Variants in SAFB observed in about 807,000 individuals in gnomAD.
The protein encoded by SAFB is scaffold attachment factor B1.
A neutral mutation model predicts 101.6 loss-of-function variants in SAFB; 15 were observed. The ratio of observed to expected loss-of-function variants is 0.15; its 90% confidence interval spans 0.10 to 0.23. The LOEUF (loss-of-function observed/expected upper bound fraction) is 0.23, where lower values mean the gene tolerates loss of function less well. SAFB is among the 10% of genes least tolerant of loss of function. The pLI, the probability that SAFB is intolerant of heterozygous loss-of-function variation, is 1.00. For synonymous variants in SAFB, 449 were observed against 407.5 expected, an observed-to-expected ratio of 1.10 and a Z score of -1.23; for missense variants, 930 against 1,104.1, an observed-to-expected ratio of 0.84 and a Z score of 2.23.
intron 13 of SAFB, among the ~76,000 whole-genome samples, chr19:5,656,749 AT>A (rs999300394): frequency 4.0e-5 from 6 of 151,180 alleles, no homozygotes; most frequent in African/African-American, 1.5e-4. Context: ...GCTAATTTTT[AT>A]TTTTTATTTA....
At chr19:5,624,223 CTT>C (rs551426304) in intron 1 of SAFB, among the ~76,000 whole-genome samples, 1,564 of 138,634 alleles carry the variant, frequency 0.011, 19 homozygotes, top group East Asian at 0.027. Flanking sequence ...CTTTTCTATT[CTT>C]TTTTTTTTTT....
intron 15 of SAFB, 63 bp downstream of exon 15, chr19:5,661,871 C>T: frequency 8.6e-7 from 1 of 1,161,432 alleles, no homozygotes; most frequent in Non-Finnish European, 1.2e-6. Context: ...ACCTCACAGT[C>T]CAGTTAGCTT....
chr19:5,668,229 G>A lies in SAFB; in HGVS notation c.2692G>A (p.Gly898Arg), dbSNP rs376998324. The A allele has an allele frequency of 9.9e-6, 16 of 1,610,470 alleles. No homozygotes were observed. Among genetic ancestry groups the A allele is most frequent in the Admixed American group, 3.4e-5 (2 of 58,986 alleles). ...CATCCCACACGGTGGCATGCAGGGC[G>A]GGTTTGGAGGCCAGAGCCGGGGGAG... ...HPIPHGGMQG[G>R]FGGQSRGSRP... Residue 898 changes from glycine (G) to arginine (R), a missense_variant, in exon 21 of 21, where the codon GGG (glycine) becomes AGG (arginine). Gly to Arg is a moderately radical substitution (Grantham distance 125, BLOSUM62 -2). Coordinates refer to ENST00000588852, the MANE Select transcript of SAFB (RefSeq NM_001201338.2).
chr19:5,653,019 C>A, intron 9 of SAFB, 96 bp from the exon 10 acceptor site: 1 of 1,255,136 alleles, frequency 8.0e-7, no homozygotes, highest in Non-Finnish European at 1.1e-6. Flanking sequence ...ACTTGTCGGA[C>A]CCCTGATGAG....
intron 1 of SAFB, among the ~76,000 whole-genome samples, chr19:5,624,220 A>T (rs752483735): frequency 6.9e-6 from 1 of 143,960 alleles, no homozygotes; most frequent in East Asian, 2.0e-4. Context: ...CCTCTTTTCT[A>T]TTCTTTTTTT....
In SAFB at chr19:5,623,314, A is replaced by G; in HGVS notation, c.109A>G (p.Ile37Val). Residue 37 changes from isoleucine to valine, a missense_variant, in exon 1 of 21, where the codon ATC (isoleucine) becomes GTC (valine). Physicochemically the swap from Ile to Val is conservative, Grantham distance 29. Around this residue, in one of 7 missense-constraint regions of SAFB, gnomAD observed 119 missense variants for 171.4 expected, o/e 0.69. Coordinates refer to ENST00000588852, the MANE Select transcript of SAFB (RefSeq NM_001201338.2). Reference protein sequence around the residue: ...GTRRLSDLRVIDLRAELRKRN... With the variant: ...GTRRLSDLRVVDLRAELRKRN... ...GCGGCGCCTCAGCGACCTGCGAGTG[A>G]TCGATCTGCGGGCGGAGCTGAGGAA... The G allele has an allele frequency of 6.2e-7, 1 of 1,614,004 alleles. No homozygotes were observed. The highest frequency in any genetic ancestry group is 1.1e-5 in the South Asian group (1 of 91,082).
chr19:5,667,928 A>C lies in SAFB; in HGVS notation c.2624+42A>C. 1 of 1,554,912 alleles carries C rather than the reference A, an allele frequency of 6.4e-7. No homozygotes were observed. The highest frequency in any genetic ancestry group is 8.7e-7 in the Non-Finnish European group (1 of 1,146,956). On this transcript the variant is annotated intron_variant, in intron 20 of 20. Coordinates refer to ENST00000588852, the MANE Select transcript of SAFB (RefSeq NM_001201338.2). This position sits in a 1 kb window ranked among gnomAD's most constrained non-coding sequence, Gnocchi z 4.0. ...GCGGCGCCCCTTCCCCCTGCTTTGC[A>C]TATTGGCCTACCTTGCTGGAGGCTT...
At chr19:5,663,389 T>C (rs1019458438) in intron 15 of SAFB, among the ~76,000 whole-genome samples, 5 of 152,220 alleles carry the variant, frequency 3.3e-5, no homozygotes, top group Admixed American at 2.6e-4. Context: ...GTCAGGTGTG[T>C]AATTCCAGCA....
chr19:5,635,133 C>T (rs891389001), intron 2 of SAFB, among the ~76,000 whole-genome samples: 3 of 151,990 alleles, frequency 2.0e-5, no homozygotes, highest in Admixed American at 2.0e-4. Context: ...AGCGAAACTC[C>T]ATCTCAAAAA....
intron 13 of SAFB, among the ~76,000 whole-genome samples, chr19:5,654,708 C>G (rs1370589159): frequency 6.6e-6 from 1 of 152,114 alleles, no homozygotes; most frequent in Admixed American, 6.5e-5. Context: ...CTCAGCCTCC[C>G]GAGTAGCTGG....
At position 5,667,227 on chromosome 19, in the gene SAFB, G is replaced by T; in HGVS notation, c.2453+63G>T. ...CCGCCCACAAGGGGGCCCGCAAGTC[G>T]CTGGGATGTGGGCACAGGGTGGGAA... On this transcript the variant is annotated intron_variant, in intron 18 of 20. Transcript: ENST00000588852. The surrounding 1 kb of genome is among the most constrained non-coding windows in gnomAD (Gnocchi z 4.0). 3.2e-6 allele frequency: 4 copies of T among 1,251,114 alleles called. No individual in the cohort carries two copies. The highest frequency in any genetic ancestry group is 2.0e-4 in the Middle Eastern group (1 of 5,098). The allele number at this position is 1,251,114 out of a possible 1,614,324, so 77.5% of individuals were successfully genotyped here. A position where few individuals can be genotyped will look rare whatever the true frequency, so the allele number is the denominator to read the frequency against.
intron 14 of SAFB, among the ~76,000 whole-genome samples, chr19:5,659,529 C>T (rs1195940539): frequency 1.3e-5 from 2 of 151,838 alleles, no homozygotes; most frequent in Non-Finnish European, 2.9e-5. Context: ...CTACAGGCGC[C>T]TGCCATCATG....
rs767795421 is a variant in SAFB, at chr19:5,667,162, C to A, written c.2451C>A (p.Pro817=). The change falls in exon 18 of 21, where the codon CCC becomes CCA. Residue 817 remains proline, a splice_region_variant and synonymous_variant. Coordinates refer to ENST00000588852, the MANE Select transcript of SAFB (RefSeq NM_001201338.2). The surrounding 1 kb of genome is among the most constrained non-coding windows in gnomAD (Gnocchi z 4.0). ...AGGGCCGGGGGCTGCCTCCTCCCCC[C>A]AGGTTTGTGTCCCACACCCGACAGT... The part of the protein sequence containing the change: ...MSEGRGLPPP[P]RGRRDWGDHG... 2.6e-5 allele frequency: 41 copies of A among 1,571,954 alleles called. No individual in the cohort carries two copies. The highest frequency in any genetic ancestry group is 1.7e-4 in the Middle Eastern group (1 of 5,990).
At chr19:5,656,794 G>A (rs890812143) in intron 13 of SAFB, among the ~76,000 whole-genome samples, 14 of 151,068 alleles carry the variant, frequency 9.3e-5, no homozygotes, top group Non-Finnish European at 1.9e-4. Context: ...TTTTTGAGAC[G>A]GAGTCTCAGT....
intron 2 of SAFB, 50 bp downstream of exon 2, chr19:5,626,539 C>T (rs776992574): frequency 9.4e-7 from 1 of 1,063,854 alleles, no homozygotes; most frequent in South Asian, 1.3e-5. Flanking sequence ...TTCTTCAAAA[C>T]GAATACATTG....
chr19:5,641,475 C>A, intron 2 of SAFB, 119 bp from the exon 3 acceptor site: 1 of 791,642 alleles, frequency 1.3e-6, no homozygotes, highest in Non-Finnish European at 2.1e-6. Flanking sequence ...GGAAGTGTTC[C>A]TAAGTAGTGA....
chr19:5,625,451 A>G (rs1251075245), intron 1 of SAFB, among the ~76,000 whole-genome samples: 1 of 152,196 alleles, frequency 6.6e-6, no homozygotes, highest in Non-Finnish European at 1.5e-5. Context: ...TGGAACCCCC[A>G]GGCCCTATCT....
intron 2 of SAFB, among the ~76,000 whole-genome samples, chr19:5,636,453 G>T (rs2053597952): frequency 1.3e-5 from 2 of 151,982 alleles, no homozygotes; most frequent in South Asian, 4.1e-4. Context: ...AGAAATAATG[G>T]TATAAAATGG....
chr19:5,626,215 C>T (rs1163428258), intron 1 of SAFB, among the ~76,000 whole-genome samples, 190 bp from the exon 2 acceptor site: 2 of 152,152 alleles, frequency 1.3e-5, no homozygotes, highest in African/African-American at 2.4e-5. Context: ...CAGCTAAGAA[C>T]TGGTGGCGTC....
Sources: allele counts gnomAD v4.1 joint callset (sites outside exome capture counted in the v4.1 genomes callset), GRCh38; gene constraint gnomAD v4.1.1; regional missense constraint gnomAD v4.1.1; non-coding constraint Gnocchi (gnomAD v3.1); transcripts MANE v1.5; gene names NCBI Gene and HGNC (gene_info 2026-07-23, HGNC 2026-07-21).